Variants in RANBP17 observed in about 807,000 individuals in gnomAD.
RANBP17 encodes the protein ran-binding protein 17.
Under a neutral mutation model 141.2 loss-of-function variants are expected in RANBP17, and 158 were observed. The observed-to-expected ratio is 1.12, with a 90% CI of 0.98 to 1.28. The LOEUF (loss-of-function observed/expected upper bound fraction) is 1.28. RANBP17 is among the 50% of genes most tolerant of loss of function. The pLI is 0.00. For missense variants in RANBP17, 1,438 were observed against 1,290.7 expected, an observed-to-expected ratio of 1.11 and a Z score of -1.75; for synonymous variants, 430 against 450.0, an observed-to-expected ratio of 0.96 and a Z score of 0.56.
At chr5:170,961,773 A>T (rs1581248167) in intron 13 of RANBP17, among the ~76,000 whole-genome samples, 1 of 152,210 alleles carries the variant, frequency 6.6e-6, no homozygotes, top group Non-Finnish European at 1.5e-5. Flanking sequence ...ATGTATAGGC[A>T]TTAGTCTTAT....
At chr5:170,881,304 G>A (rs1200678803) in intron 2 of RANBP17, among the ~76,000 whole-genome samples, 5 of 152,130 alleles carry the variant, frequency 3.3e-5, no homozygotes, top group African/African-American at 1.2e-4. Flanking sequence ...GGGTGAGCAT[G>A]CGTTTAGACA....
intron 14 of RANBP17, among the ~76,000 whole-genome samples, chr5:171,132,774 G>A (rs1354917071): frequency 6.6e-6 from 1 of 152,026 alleles, no homozygotes; most frequent in African/African-American, 2.4e-5. Flanking sequence ...TGTACTGACA[G>A]TTTTTCAACT....
intron 1 of RANBP17, among the ~76,000 whole-genome samples, chr5:170,873,258 A>C (rs997964050): frequency 1.3e-5 from 2 of 152,160 alleles, no homozygotes; most frequent in African/African-American, 2.4e-5. Flanking sequence ...CCAGTATTTT[A>C]TTGAGGATTT....
At chr5:170,901,429 G>A (rs1770628453) in intron 5 of RANBP17, among the ~76,000 whole-genome samples, 1 of 152,102 alleles carries the variant, frequency 6.6e-6, no homozygotes, top group Non-Finnish European at 1.5e-5. Flanking sequence ...CACATGAGAT[G>A]GGTCTCCTGA....
intron 24 of RANBP17, among the ~76,000 whole-genome samples, chr5:171,258,685 G>A (rs1043960372): frequency 6.6e-6 from 1 of 152,094 alleles, no homozygotes; most frequent in Non-Finnish European, 1.5e-5. Flanking sequence ...GCCACATGCA[G>A]AAGAATGAAA....
rs554231938 is a variant in RANBP17, at chr5:171,110,849, C to CT, written c.1711-59269dup. 3.1e-3 allele frequency among the ~76,000 whole-genome samples: 421 copies of CT among 135,546 alleles called. 3 individuals carry two copies. Among genetic ancestry groups the CT allele is most frequent in the Middle Eastern group, 0.018 (4 of 218 alleles). 88.9% of individuals were successfully genotyped at this position (135,546 alleles called of 152,430 possible). A position where few individuals can be genotyped will look rare whatever the true frequency, so the allele number is the denominator to read the frequency against. The stretch of plus-strand genomic sequence containing the variant: ...CTCCCCTCTCTGGTAATAAGAATGT[C>CT]TTTTTTTTTTTTAATTTTTTTTTTA... On this transcript the variant is annotated intron_variant, in intron 14 of 27. Coordinates refer to ENST00000523189, the MANE Select transcript of RANBP17 (RefSeq NM_022897.5).
At position 170,916,448 on chromosome 5, in the gene RANBP17, T is replaced by C. The variant is rs1771977350; in HGVS notation, c.835-17T>C. 4 of 1,511,300 alleles carry C rather than the reference T, an allele frequency of 2.6e-6. No individual in the cohort carries two copies. Among genetic ancestry groups the C allele is most frequent in the Non-Finnish European group, 3.6e-6 (4 of 1,126,204 alleles). 93.6% of individuals were successfully genotyped at this position (1,511,300 alleles called of 1,614,324 possible). ...ATACTTTGAAAATTGAAATGAAATT[T>C]TTTTGGTATTTTTTAGGCACTTTCA... On this transcript the variant is annotated splice_polypyrimidine_tract_variant and intron_variant, in intron 8 of 27. Transcript: ENST00000523189.
intron 25 of RANBP17, among the ~76,000 whole-genome samples, chr5:171,291,496 G>A (rs567326867): frequency 6.6e-6 from 1 of 152,102 alleles, no homozygotes; most frequent in Non-Finnish European, 1.5e-5. Context: ...AAATACTGAT[G>A]GTACCTTGTG....
chr5:170,933,139 G>T (rs1430909754), intron 12 of RANBP17, among the ~76,000 whole-genome samples: 1 of 152,016 alleles, frequency 6.6e-6, no homozygotes, highest in Non-Finnish European at 1.5e-5. Context: ...TTTAGTCTTG[G>T]GAGGGTGTAT....
At chr5:171,023,110 G>T (rs542001167) in intron 14 of RANBP17, among the ~76,000 whole-genome samples, 1 of 152,294 alleles carries the variant, frequency 6.6e-6, no homozygotes, top group African/African-American at 2.4e-5. Flanking sequence ...CTCCTAGTCA[G>T]TTCTGATGAG....
chr5:171,050,002 A>G (rs1782849137), intron 14 of RANBP17, among the ~76,000 whole-genome samples: 1 of 152,146 alleles, frequency 6.6e-6, no homozygotes. Flanking sequence ...TAATTCTGTG[A>G]AGAATCACAT....
intron 14 of RANBP17, among the ~76,000 whole-genome samples, chr5:171,057,316 G>C (rs1273897954): frequency 1.3e-5 from 2 of 152,030 alleles, no homozygotes; most frequent in Non-Finnish European, 2.9e-5. Context: ...CCTTTTTATA[G>C]TGACAAACCA....
intron 14 of RANBP17, among the ~76,000 whole-genome samples, chr5:170,978,734 T>TTA (rs1777559283): frequency 2.0e-5 from 3 of 152,180 alleles, no homozygotes; most frequent in Non-Finnish European, 4.4e-5. Context: ...GAAAGTGAAC[T>TTA]AAGGGAGCCT....
intron 12 of RANBP17, chr5:170,924,961 C>G (rs1046122365): frequency 6.5e-6 from 1 of 152,830 alleles, no homozygotes; most frequent in African/African-American, 2.4e-5. Flanking sequence ...TTCGTTATGG[C>G]TTTACTATTA....
chr5:171,120,880 G>C (rs1755985030), intron 14 of RANBP17, among the ~76,000 whole-genome samples: 1 of 152,134 alleles, frequency 6.6e-6, no homozygotes, highest in African/African-American at 2.4e-5. Flanking sequence ...TGATTTACTT[G>C]TATGAATTAG....
At position 170,864,903 on chromosome 5, in the gene RANBP17, C is replaced by G. The variant is rs892772339; in HGVS notation, c.18+2852C>G. The stretch of plus-strand genomic sequence containing the variant: ...TGAATGGGAGAAACTATGGAAGATC[C>G]GTATGGTCTTTTATATTCACCAGTA... On this transcript the variant is annotated intron_variant, in intron 1 of 27. Coordinates refer to ENST00000523189, the MANE Select transcript of RANBP17 (RefSeq NM_022897.5). Among the ~76,000 whole-genome samples, 6 of 152,116 alleles carry G rather than the reference C, an allele frequency of 3.9e-5. No homozygotes were observed. In the East Asian group the frequency reaches 1.2e-3, roughly 29 times the overall value.
intron 5 of RANBP17, among the ~76,000 whole-genome samples, chr5:170,899,371 A>G (rs142654715): frequency 0.015 from 2,278 of 152,288 alleles, 27 homozygotes; most frequent in Admixed American, 0.024. Flanking sequence ...TTGATTTTGT[A>G]TCTGAGACTT....
At chr5:171,198,326 T>C (rs2127951549) in intron 18 of RANBP17, among the ~76,000 whole-genome samples, 1 of 152,336 alleles carries the variant, frequency 6.6e-6, no homozygotes, top group Middle Eastern at 3.4e-3. Flanking sequence ...CAGTAAAGAT[T>C]TGTTGGCCCT....
intron 14 of RANBP17, among the ~76,000 whole-genome samples, chr5:171,024,590 C>T (rs1561998926): frequency 6.6e-6 from 1 of 152,158 alleles, no homozygotes; most frequent in Non-Finnish European, 1.5e-5. Context: ...TATATACTTT[C>T]TATCCTTATT....
Sources: gnomAD v4.1 joint callset for allele counts (sites outside exome capture counted in the v4.1 genomes callset) on GRCh38, gnomAD v4.1.1 for gene constraint, MANE v1.5 for transcripts, NCBI Gene and HGNC (gene_info 2026-07-23, HGNC 2026-07-21) for gene names.